GPR89B: variants seen among roughly 807,000 people sequenced by gnomAD.
GPR89B encodes G protein-coupled receptor 89B.
A neutral mutation model predicts 52.4 loss-of-function variants in GPR89B; 25 were observed. That is an observed-to-expected ratio of 0.48 (90% CI 0.35 to 0.67). The LOEUF is 0.67. GPR89B is among the 30% of genes least tolerant of loss of function. The pLI is 0.01. For missense variants in GPR89B, 146 were observed against 450.2 expected, an observed-to-expected ratio of 0.32 and a Z score of 6.11; for synonymous variants, 52 against 151.2, an observed-to-expected ratio of 0.34 and a Z score of 4.81.
At chr1:147,965,614 G>A (rs1656970377) in intron 7 of GPR89B, among the ~76,000 whole-genome samples, 1 of 152,082 alleles carries the variant, frequency 6.6e-6, no homozygotes, top group South Asian at 2.1e-4. Context: ...CAGACTGAGA[G>A]GACCAGGAGT....
At chr1:148,004,943 C>T in the GPR89B span, among the ~76,000 whole-genome samples, 2 of 118,216 alleles carry the variant, frequency 1.7e-5, no homozygotes, top group East Asian at 2.7e-4. Context: ...TAGCCAGGTG[C>T]GGTGGTGCAC....
At chr1:147,935,393 T>TA (rs1199365306) in intron 1 of GPR89B, among the ~76,000 whole-genome samples, 1 of 152,208 alleles carries the variant, frequency 6.6e-6, no homozygotes, top group Non-Finnish European at 1.5e-5. Flanking sequence ...TAGAAAGACA[T>TA]AAAATCATTT....
chr1:148,021,711 C>T, the GPR89B span: 1 of 151,758 alleles, frequency 6.6e-6, no homozygotes, highest in Non-Finnish European at 1.5e-5. Context: ...GTCCCCAAAA[C>T]TCATTTCTAT....
At chr1:147,985,636 G>A (rs1263550559) in intron 10 of GPR89B, among the ~76,000 whole-genome samples, 1 of 145,634 alleles carries the variant, frequency 6.9e-6, no homozygotes, top group Non-Finnish European at 1.5e-5. Flanking sequence ...TGATGTGGTT[G>A]TTTTTTTTTT....
At chr1:147,957,646 C>T (rs1656213669) in intron 7 of GPR89B, among the ~76,000 whole-genome samples, 2 of 151,544 alleles carry the variant, frequency 1.3e-5, no homozygotes, top group Admixed American at 1.3e-4. Flanking sequence ...TTATTATTAC[C>T]CATAAGTAAA....
intron 12 of GPR89B, among the ~76,000 whole-genome samples, chr1:147,989,240 A>T (rs1486376058): frequency 4.6e-5 from 7 of 151,484 alleles, no homozygotes; most frequent in African/African-American, 1.5e-4. Flanking sequence ...TGTCATCAAT[A>T]AGTTCTTGGA....
chr1:148,008,854 A>G, the GPR89B span, among the ~76,000 whole-genome samples: 1 of 152,218 alleles, frequency 6.6e-6, no homozygotes, highest in Non-Finnish European at 1.5e-5. Flanking sequence ...CAAAGGTAAC[A>G]GTGCCTGGCA....
chr1:147,962,801 G>C (rs1656697553), intron 7 of GPR89B, among the ~76,000 whole-genome samples: 1 of 151,482 alleles, frequency 6.6e-6, no homozygotes, highest in African/African-American at 2.4e-5. Context: ...GGGAGGCTGA[G>C]GCAGGAGAAT....
chr1:147,975,140 G>T (rs1275664566), intron 10 of GPR89B, among the ~76,000 whole-genome samples: 1 of 134,574 alleles, frequency 7.4e-6, no homozygotes, highest in East Asian at 2.2e-4. Context: ...TTCTTTTTTT[G>T]TTGTTGTATC....
At chr1:148,003,231 T>C in the GPR89B span, among the ~76,000 whole-genome samples, 8 of 152,330 alleles carry the variant, frequency 5.3e-5, no homozygotes, top group East Asian at 5.8e-4. Flanking sequence ...TTATACGGCC[T>C]GAACTCATGT....
chr1:147,959,864 A>G lies in GPR89B; in HGVS notation c.617+5462A>G, dbSNP rs1656402503. Reference sequence around the variant, plus strand: ...ATTTTCTGAGCTATGTGCAGGTTGAACACACAGTTTGGATGACAGAAAGTG... The same window carrying G: ...ATTTTCTGAGCTATGTGCAGGTTGAGCACACAGTTTGGATGACAGAAAGTG... On this transcript the variant is annotated intron_variant, in intron 7 of 13. Transcript: ENST00000314163. Among the ~76,000 whole-genome samples, 4 of 151,564 alleles carry G rather than the reference A, an allele frequency of 2.6e-5. No individual in the cohort carries two copies. In the South Asian group the frequency reaches 8.4e-4, roughly 32 times the overall value.
chr1:147,939,700 T>TA (rs1553248576), intron 3 of GPR89B, among the ~76,000 whole-genome samples: 1 of 152,020 alleles, frequency 6.6e-6, no homozygotes, highest in African/African-American at 2.4e-5. Flanking sequence ...ATTGAAAGGT[T>TA]AAAAAAAGAG....
intron 12 of GPR89B, among the ~76,000 whole-genome samples, chr1:147,989,831 T>C (rs1248284705): frequency 2.6e-5 from 4 of 152,380 alleles, no homozygotes; most frequent in East Asian, 3.9e-4. Context: ...CAGTCTATCA[T>C]TGATGGACAT....
At chr1:147,937,060 GC>G (rs1654147050) in intron 2 of GPR89B, among the ~76,000 whole-genome samples, 1 of 152,036 alleles carries the variant, frequency 6.6e-6, no homozygotes, top group Admixed American at 6.6e-5. Flanking sequence ...AAATCCCAAG[GC>G]TATCAGGGGA....
chr1:147,950,869 C>T (rs1655622718), intron 5 of GPR89B, among the ~76,000 whole-genome samples: 1 of 152,172 alleles, frequency 6.6e-6, no homozygotes, highest in Non-Finnish European at 1.5e-5. Flanking sequence ...CTGCAGTGAG[C>T]CGAGATGGCA....
chr1:147,949,261 C>A (rs1365507633), intron 5 of GPR89B, among the ~76,000 whole-genome samples: 1 of 151,916 alleles, frequency 6.6e-6, no homozygotes, highest in African/African-American at 2.4e-5. Flanking sequence ...GGCCCGGTCT[C>A]AATGAGCTGT....
At chr1:147,949,228 C>T (rs1655292990) in intron 5 of GPR89B, among the ~76,000 whole-genome samples, 1 of 152,072 alleles carries the variant, frequency 6.6e-6, no homozygotes, top group Admixed American at 6.5e-5. Context: ...CTTTCCATTC[C>T]ACAAAACCGC....
At chr1:147,930,352 C>A (rs587667468) in intron 1 of GPR89B, among the ~76,000 whole-genome samples, 1 of 152,312 alleles carries the variant, frequency 6.6e-6, no homozygotes, top group South Asian at 2.1e-4. Context: ...ACCAAAGTAG[C>A]TTTCCATTTC....
the GPR89B span, among the ~76,000 whole-genome samples, chr1:148,020,851 C>T: frequency 1.3e-5 from 2 of 151,722 alleles, no homozygotes; most frequent in Admixed American, 6.6e-5. Flanking sequence ...CCATTTCCTG[C>T]TAGTTTTTGT....
Sources: allele counts gnomAD v4.1 joint callset (sites outside exome capture counted in the v4.1 genomes callset), GRCh38; gene constraint gnomAD v4.1.1; transcripts MANE v1.5; gene names NCBI Gene and HGNC (gene_info 2026-07-23, HGNC 2026-07-21).